Variants in RPTOR observed in about 807,000 individuals in gnomAD.
The protein encoded by RPTOR is regulatory associated protein of MTOR complex 1, also known as regulatory-associated protein of mTOR.
In RPTOR, 21 loss-of-function variants were observed where a neutral mutation model predicts 169.9. That is an observed-to-expected ratio of 0.12 (90% CI 0.09 to 0.18). RPTOR has a LOEUF of 0.18. Among genes scored for constraint, RPTOR ranks in the 10% least tolerant of loss-of-function variants. The pLI, the probability that RPTOR is intolerant of heterozygous loss-of-function variation, is 1.00. For synonymous variants in RPTOR, 732 were observed against 753.2 expected (o/e 0.97, Z 0.46); for missense variants, 1,133 against 1,855.9 (o/e 0.61, Z 7.16).
chr17:80,561,239 TTATATATATATG>T (rs1209225211), intron 1 of RPTOR, among the ~76,000 whole-genome samples: 5 of 115,212 alleles, frequency 4.3e-5, no homozygotes, highest in African/African-American at 2.1e-4. Context: ...CCCGGCTAAT[TTATATATATATG>T]TATATATATA....
intron 1 of RPTOR, among the ~76,000 whole-genome samples, chr17:80,548,303 A>G (rs902849719): frequency 3.4e-5 from 5 of 148,962 alleles, no homozygotes; most frequent in South Asian, 2.1e-4. Context: ...GGATCAAGCA[A>G]TCCTCCTGCC....
chr17:80,941,782 C>T (rs1165246779), intron 25 of RPTOR: 1 of 152,302 alleles, frequency 6.6e-6, no homozygotes, highest in African/African-American at 2.4e-5. Flanking sequence ...TGCCCGCAGG[C>T]AGCACAGGCG....
chr17:80,798,542 GGTCACC>G lies in RPTOR; in HGVS notation c.890+7035_890+7040del, dbSNP rs953232027. On this transcript the variant is annotated intron_variant, in intron 7 of 33. Coordinates refer to ENST00000306801, the MANE Select transcript of RPTOR (RefSeq NM_020761.3). ...CAGACTCCGGGGCTGACATTTGGAG[GGTCACC>G]GCCTGACCCCTGCTCCAGAGTCAGC... is the stretch of plus-strand genomic sequence containing the variant. Among the ~76,000 whole-genome samples the G allele has an allele frequency of 3.3e-5, 5 of 152,090 alleles. No homozygotes were observed. In the Middle Eastern group the frequency reaches 0.014, roughly 414 times the overall value.
At chr17:80,793,048 C>T (rs1323017373) in intron 7 of RPTOR, among the ~76,000 whole-genome samples, 2 of 152,152 alleles carry the variant, frequency 1.3e-5, no homozygotes, top group Admixed American at 1.3e-4. Flanking sequence ...TGGCCTCAAG[C>T]GATCCTCCCA....
intron 2 of RPTOR, among the ~76,000 whole-genome samples, chr17:80,628,312 A>G (rs2065412126): frequency 6.6e-6 from 1 of 152,028 alleles, no homozygotes; most frequent in African/African-American, 2.4e-5. Context: ...TGAAGAACTT[A>G]CTCTAACATA....
intron 1 of RPTOR, among the ~76,000 whole-genome samples, chr17:80,546,725 T>C (rs776009754): frequency 1.2e-4 from 18 of 152,236 alleles, no homozygotes; most frequent in Non-Finnish European, 2.4e-4. Context: ...TGGAATATTA[T>C]TGTTTTTTAG....
chr17:80,789,783 C>A (rs1242344880), intron 6 of RPTOR, among the ~76,000 whole-genome samples: 1 of 152,148 alleles, frequency 6.6e-6, no homozygotes, highest in African/African-American at 2.4e-5. Flanking sequence ...GGGTCACGGC[C>A]CTTCCATTTC....
At chr17:80,812,451 C>T (rs531985567) in intron 7 of RPTOR, among the ~76,000 whole-genome samples, 14 of 152,190 alleles carry the variant, frequency 9.2e-5, no homozygotes, top group South Asian at 2.1e-4. Flanking sequence ...TCCTCCTACG[C>T]GCCTTTTAGA....
chr17:80,581,773 T>C lies in RPTOR; in HGVS notation c.162+35982T>C, dbSNP rs541195920. On this transcript the variant is annotated intron_variant, in intron 1 of 33. Transcript: ENST00000306801. ...TGCAGTGGATACTGCACATCGGGCC[T>C]GTGGATCCCTGTTATTCTCTGCAGT... Among the ~76,000 whole-genome samples, 15 of 152,090 alleles carry C rather than the reference T, an allele frequency of 9.9e-5. 1 individual carries two copies. The South Asian group carries it at 2.3e-3, about 23-fold the overall frequency.
At chr17:80,738,253 T>C (rs1385684722) in intron 5 of RPTOR, among the ~76,000 whole-genome samples, 1 of 152,198 alleles carries the variant, frequency 6.6e-6, no homozygotes, top group Non-Finnish European at 1.5e-5. Context: ...TTGGTTTGTG[T>C]GACATTTCAC....
In RPTOR at chr17:80,562,059, T is replaced by A. The variant is rs2084505464; in HGVS notation, c.162+16268T>A. Among the ~76,000 whole-genome samples the A allele has an allele frequency of 6.6e-6, 1 of 151,166 alleles. No homozygotes were observed. The highest frequency in any genetic ancestry group is 2.1e-4 in the South Asian group (1 of 4,778). On this transcript the variant is annotated intron_variant, in intron 1 of 33. Transcript: ENST00000306801. This position sits in a 1 kb window ranked among gnomAD's most constrained non-coding sequence, Gnocchi z 4.4. ...GAGGAGCATGGTGTGGGGTGGGGAG[T>A]CTCTTGAGGGTAGGAGGAGATGAGG...
intron 1 of RPTOR, among the ~76,000 whole-genome samples, chr17:80,615,136 A>G (rs1383550962): frequency 6.6e-6 from 1 of 152,168 alleles, no homozygotes; most frequent in Non-Finnish European, 1.5e-5. Context: ...GGGATTTGCC[A>G]AGGATCTCCA....
chr17:80,926,763 C>T lies in RPTOR; in HGVS notation c.2919+1283C>T, dbSNP rs183919877. On this transcript the variant is annotated intron_variant, in intron 24 of 33. Transcript: ENST00000306801. The stretch of plus-strand genomic sequence containing the variant: ...CATACAGACACAGATGTGCATACGA[C>T]GGAGACCAGCAGAGCCCGCTCCTAA... Among the ~76,000 whole-genome samples, 375 of 152,346 alleles carry T rather than the reference C, an allele frequency of 2.5e-3. 3 individuals carry two copies. The highest frequency in any genetic ancestry group is 4.2e-3 in the Non-Finnish European group (286 of 68,026).
chr17:80,695,923 C>T lies in RPTOR; in HGVS notation c.349-11918C>T, dbSNP rs2066032488. ...CCTGCGTGAGCTGGCTTTGATCTAC[C>T]CCGGACCCATCTTTCTGTGAAGAGT... On this transcript the variant is annotated intron_variant, in intron 3 of 33. Transcript: ENST00000306801. The surrounding 1 kb of genome is among the most constrained non-coding windows in gnomAD (Gnocchi z 4.9). Among the ~76,000 whole-genome samples, 1 of 152,162 alleles carries T rather than the reference C, an allele frequency of 6.6e-6. No individual in the cohort carries two copies. The highest frequency in any genetic ancestry group is 2.4e-5 in the African/African-American group (1 of 41,444).
At chr17:80,566,528 T>C (rs2064842492) in intron 1 of RPTOR, among the ~76,000 whole-genome samples, 3 of 152,094 alleles carry the variant, frequency 2.0e-5, no homozygotes, top group South Asian at 4.1e-4. Flanking sequence ...TATAAGAATG[T>C]ATATTTTCCT....
chr17:80,566,938 C>G (rs754298618), intron 1 of RPTOR, among the ~76,000 whole-genome samples: 2 of 151,532 alleles, frequency 1.3e-5, no homozygotes, highest in Non-Finnish European at 2.9e-5. Flanking sequence ...AAAATATTAC[C>G]CTTATGATAT....
chr17:80,939,939 C>T (rs1327241576), intron 24 of RPTOR, among the ~76,000 whole-genome samples: 1 of 152,206 alleles, frequency 6.6e-6, no homozygotes. Flanking sequence ...TCAAGGGTCT[C>T]AGAGCCCCCA....
At chr17:80,929,869 T>C (rs1158764466) in intron 24 of RPTOR, among the ~76,000 whole-genome samples, 1 of 152,168 alleles carries the variant, frequency 6.6e-6, no homozygotes, top group Non-Finnish European at 1.5e-5. Context: ...AAAATGACTT[T>C]TTCTGTTTTG....
In RPTOR at chr17:80,823,377, G is replaced by C; in HGVS notation, c.1136+154G>C. 1 of 937,404 alleles carries C rather than the reference G, an allele frequency of 1.1e-6. No individual in the cohort carries two copies. Among genetic ancestry groups the C allele is most frequent in the South Asian group, 1.7e-5 (1 of 57,772 alleles). The allele number at this position is 937,404 out of a possible 1,614,324, so 58.1% of individuals were successfully genotyped here. Reference sequence around the variant, plus strand: ...AGTGAAGCTAAATGCAGGGCTCCCAGAGATCTCCACACAGAGGAGTGGGGG... The same window carrying C: ...AGTGAAGCTAAATGCAGGGCTCCCACAGATCTCCACACAGAGGAGTGGGGG... On this transcript the variant is annotated intron_variant, in intron 9 of 33. Transcript: ENST00000306801. This position sits in a 1 kb window ranked among gnomAD's most constrained non-coding sequence, Gnocchi z 4.5.
Sources: allele counts gnomAD v4.1 joint callset (sites outside exome capture counted in the v4.1 genomes callset), GRCh38; gene constraint gnomAD v4.1.1; non-coding constraint Gnocchi (gnomAD v3.1); transcripts MANE v1.5; gene names NCBI Gene and HGNC (gene_info 2026-07-23, HGNC 2026-07-21).